The following MFGE8 variants were observed in gnomAD, a reference collection of about 807,000 sequenced individuals.
MFGE8 encodes lactadherin.
Under a neutral mutation model 42.6 loss-of-function variants are expected in MFGE8, and 34 were observed. The observed-to-expected ratio is 0.80, with a 90% CI of 0.61 to 1.06. The LOEUF is 1.06. Among genes scored for constraint, MFGE8 ranks in the 50% least tolerant of loss-of-function variants. The pLI is 0.00. For missense variants in MFGE8, 510 were observed against 516.9 expected (o/e 0.99, Z 0.13); for synonymous variants, 230 against 214.8 (o/e 1.07, Z -0.62).
chr15:88,908,162 A>G (rs945936967), intron 2 of MFGE8, among the ~76,000 whole-genome samples: 4 of 152,212 alleles, frequency 2.6e-5, no homozygotes, highest in African/African-American at 4.8e-5. Context: ...AGGCCCACCT[A>G]CAGGCCAAGC....
In MFGE8 at chr15:88,909,781, C is replaced by T. The variant is rs752837584; in HGVS notation, c.205+11G>A. On this transcript the variant is annotated intron_variant, in intron 2 of 7. Coordinates refer to ENST00000268150, the MANE Select transcript of MFGE8 (RefSeq NM_005928.4). ...GCTAGAAACAGGCAACAAGCACCCC[C>T]ACATACTCACTCGTCTCACAGTGGT... The T allele has an allele frequency of 3.1e-6, 5 of 1,613,940 alleles. No individual in the cohort carries two copies. In the East Asian group the frequency reaches 8.9e-5, roughly 29 times the overall value.
chr15:88,899,206 G>A lies in MFGE8; in HGVS notation c.*189C>T, dbSNP rs1300282888. The A allele has an allele frequency of 1.5e-5, 11 of 743,554 alleles. No individual in the cohort carries two copies. The Admixed American group carries it at 2.3e-4, about 16-fold the overall frequency. The allele number at this position is 743,554 out of a possible 1,614,324, so 46.1% of individuals were successfully genotyped here. ...CTGGGGGTTAGGGGACGGGGCTTAGGGGCTGGGGCAGGGCCCGTGAGAGGT... is the reference window on the plus strand; with the variant it reads ...CTGGGGGTTAGGGGACGGGGCTTAGAGGCTGGGGCAGGGCCCGTGAGAGGT... On this transcript the variant is annotated 3_prime_UTR_variant, in exon 8 of 8. Transcript: ENST00000268150. This position sits in a 1 kb window ranked among gnomAD's most constrained non-coding sequence, Gnocchi z 6.8.
Position 88,899,909 on chromosome 15 carries a change from A to T in MFGE8, c.871-98T>A. The T allele has an allele frequency of 1.4e-6, 2 of 1,442,648 alleles. No individual in the cohort carries two copies. Among genetic ancestry groups the T allele is most frequent in the Non-Finnish European group, 1.9e-6 (2 of 1,039,792 alleles). The allele number at this position is 1,442,648 out of a possible 1,614,324, so 89.4% of individuals were successfully genotyped here. On this transcript the variant is annotated intron_variant, in intron 6 of 7. Coordinates refer to ENST00000268150, the MANE Select transcript of MFGE8 (RefSeq NM_005928.4). The surrounding 1 kb of genome is among the most constrained non-coding windows in gnomAD (Gnocchi z 6.8). ...AGGCATGAATTCTAGTTTTGAAAAAAACTACTTGGGTGAGCCTCAGTTTCT... is the reference window on the plus strand; with the variant it reads ...AGGCATGAATTCTAGTTTTGAAAAATACTACTTGGGTGAGCCTCAGTTTCT...
rs1436248058 is a variant in MFGE8, at chr15:88,903,308, C to T, written c.686-1573G>A. 6.6e-6 allele frequency: 1 copy of T among 152,082 alleles called. No individual in the cohort carries two copies. Among genetic ancestry groups the T allele is most frequent in the African/African-American group, 2.4e-5 (1 of 41,414 alleles). The allele number at this position is 152,082 out of a possible 1,614,324, so 9.4% of individuals were successfully genotyped here. A position where few individuals can be genotyped will look rare whatever the true frequency, so the allele number is the denominator to read the frequency against. On this transcript the variant is annotated intron_variant, in intron 5 of 7. Coordinates refer to ENST00000268150, the MANE Select transcript of MFGE8 (RefSeq NM_005928.4). This position sits in a 1 kb window ranked among gnomAD's most constrained non-coding sequence, Gnocchi z 4.9. ...ACCAGGGCAGGGACAGGACTGTCAG[C>T]TCCAGCACTCTAGGAAGTCCCTTCC...
chr15:88,907,487 G>A, intron 2 of MFGE8, 111 bp from the exon 3 acceptor site: 1 of 972,654 alleles, frequency 1.0e-6, no homozygotes, highest in Non-Finnish European at 1.6e-6. Context: ...AAGCCCCAGG[G>A]CCAGGGAGAA....
chr15:88,901,916 C>T, intron 5 of MFGE8, 181 bp from the exon 6 acceptor site: 1 of 644,280 alleles, frequency 1.6e-6, no homozygotes, highest in Non-Finnish European at 2.8e-6. Context: ...CACTGCCGAC[C>T]CCACCACCTC....
chr15:88,905,679 T>C lies in MFGE8; in HGVS notation c.685+78A>G. 6.3e-7 allele frequency: 1 copy of C among 1,598,476 alleles called. No homozygotes were observed. Among genetic ancestry groups the C allele is most frequent in the Non-Finnish European group, 8.6e-7 (1 of 1,169,176 alleles). On this transcript the variant is annotated intron_variant, in intron 5 of 7. Coordinates refer to ENST00000268150, the MANE Select transcript of MFGE8 (RefSeq NM_005928.4). The surrounding 1 kb of genome is among the most constrained non-coding windows in gnomAD (Gnocchi z 6.6). The stretch of plus-strand genomic sequence containing the variant: ...GCTGCCCTACCTAGCTCAGTTTGGC[T>C]GAGAAAAGAGGCAGCAGGGAGGGCC...
In MFGE8 at chr15:88,905,999, G is replaced by A; in HGVS notation, c.541-98C>T. 2 of 1,468,424 alleles carry A rather than the reference G, an allele frequency of 1.4e-6. No homozygotes were observed. Among genetic ancestry groups the A allele is most frequent in the Non-Finnish European group, 9.5e-7 (1 of 1,052,380 alleles). 91.0% of individuals were successfully genotyped at this position (1,468,424 alleles called of 1,614,324 possible). On this transcript the variant is annotated intron_variant, in intron 4 of 7. Coordinates refer to ENST00000268150, the MANE Select transcript of MFGE8 (RefSeq NM_005928.4). The surrounding 1 kb of genome is among the most constrained non-coding windows in gnomAD (Gnocchi z 6.6). Reference sequence around the variant, plus strand: ...TCCTCTTCAGACCTGGGAGGCAGAGGTGGGGCTGGGAGGGTGAAGAGGACT... The same window carrying A: ...TCCTCTTCAGACCTGGGAGGCAGAGATGGGGCTGGGAGGGTGAAGAGGACT...
chr15:88,913,331 G>T lies in MFGE8; in HGVS notation c.-12C>A. The T allele has an allele frequency of 4.2e-6, 6 of 1,431,036 alleles. No homozygotes were observed. The highest frequency in any genetic ancestry group is 5.4e-6 in the Non-Finnish European group (6 of 1,103,712). 88.6% of individuals were successfully genotyped at this position (1,431,036 alleles called of 1,614,324 possible). ...CGGGGGCGCGGCATGCTGCGGGGAC[G>T]CGGGCGCTGGAATGGGCACGCTGGG... On this transcript the variant is annotated 5_prime_UTR_variant, in exon 1 of 8. Transcript: ENST00000268150.
rs1305724071 is a variant in MFGE8, at chr15:88,901,836, G to A, written c.686-101C>T. 8.6e-6 allele frequency: 10 copies of A among 1,165,752 alleles called. No individual in the cohort carries two copies. In the East Asian group the frequency reaches 1.7e-4, roughly 20 times the overall value. The allele number at this position is 1,165,752 out of a possible 1,614,324, so 72.2% of individuals were successfully genotyped here. Reference sequence around the variant, plus strand: ...GAAAGAACTCTGTGGATCCTGACCAGCCCCTGTCATGCTCTTGGGCAACAG... The same window carrying A: ...GAAAGAACTCTGTGGATCCTGACCAACCCCTGTCATGCTCTTGGGCAACAG... On this transcript the variant is annotated intron_variant, in intron 5 of 7. Coordinates refer to ENST00000268150, the MANE Select transcript of MFGE8 (RefSeq NM_005928.4).
chr15:88,901,129 AC>A (rs1567214416), intron 6 of MFGE8, among the ~76,000 whole-genome samples: 1 of 115,028 alleles, frequency 8.7e-6, no homozygotes, highest in Non-Finnish European at 1.9e-5. Flanking sequence ...ACATTCACAC[AC>A]ACACATTCAC....
Position 88,899,569 on chromosome 15 carries a change from AG to A in MFGE8, c.1027-38del, listed in dbSNP as rs939598137. On this transcript the variant is annotated intron_variant, in intron 7 of 7. Transcript: ENST00000268150. This position sits in a 1 kb window ranked among gnomAD's most constrained non-coding sequence, Gnocchi z 6.8. ...GCGGGTGTCAGGAGGACCCCGAGCC[AG>A]CCCCCCTCCCCTCAGAGCCCCAGGC... 15 of 1,614,060 alleles carry A rather than the reference AG, an allele frequency of 9.3e-6. No homozygotes were observed. In the African/African-American group the frequency reaches 1.6e-4, roughly 17 times the overall value.
chr15:88,900,640 G>A, intron 6 of MFGE8: 5 of 882,156 alleles, frequency 5.7e-6, no homozygotes, highest in Non-Finnish European at 6.8e-6. Context: ...CAACATCCAG[G>A]TGTAAACCCA....
chr15:88,899,506 G>A lies in MFGE8; in HGVS notation c.1053C>T (p.His351=). 6.2e-7 allele frequency: 1 copy of A among 1,614,216 alleles called. No individual in the cohort carries two copies. Among genetic ancestry groups the A allele is most frequent in the Non-Finnish European group, 8.5e-7 (1 of 1,180,026 alleles). Residue 351 remains histidine (H), a synonymous_variant, in exon 8 of 8, where the codon CAC becomes CAT. Coordinates refer to ENST00000268150, the MANE Select transcript of MFGE8 (RefSeq NM_005928.4). The surrounding 1 kb of genome is among the most constrained non-coding windows in gnomAD (Gnocchi z 6.8). ...TCTCAAACAAGTTCTTCTTGTGGGA[G>A]TGGTTGTCCCAGTTGCCAGGGAAGA... ...SKIFPGNWDN[H]SHKKNLFETP... is the part of the protein sequence containing the mutation.
At chr15:88,901,078 T>TTC (rs748169390) in intron 6 of MFGE8, among the ~76,000 whole-genome samples, 11 of 60,670 alleles carry the variant, frequency 1.8e-4, no homozygotes, top group South Asian at 1.1e-3. Context: ...CACATTCACA[T>TTC]ACACATTCAC....
In MFGE8 at chr15:88,902,301, G is replaced by A. The variant is rs1053084508; in HGVS notation, c.686-566C>T. ...AAATTAGTAAGCCCATTCTATAGATGAGAAAACTGAAAGACATTAAGCATC... is the reference window on the plus strand; with the variant it reads ...AAATTAGTAAGCCCATTCTATAGATAAGAAAACTGAAAGACATTAAGCATC... On this transcript the variant is annotated intron_variant, in intron 5 of 7. Transcript: ENST00000268150. This position sits in a 1 kb window ranked among gnomAD's most constrained non-coding sequence, Gnocchi z 4.3. The A allele has an allele frequency of 6.3e-6, 1 of 159,384 alleles. No homozygotes were observed. The highest frequency in any genetic ancestry group is 1.4e-5 in the Non-Finnish European group (1 of 72,064). 9.9% of individuals were successfully genotyped at this position (159,384 alleles called of 1,614,324 possible). A position where few individuals can be genotyped will look rare whatever the true frequency, so the allele number is the denominator to read the frequency against.
intron 5 of MFGE8, chr15:88,904,168 A>G (rs990008195): frequency 1.3e-5 from 2 of 152,188 alleles, no homozygotes; most frequent in African/African-American, 4.8e-5. Flanking sequence ...CCTTGCTACA[A>G]TGCAAATTAC....
In MFGE8 at chr15:88,902,981, T is replaced by C. The variant is rs1158915536; in HGVS notation, c.686-1246A>G. On this transcript the variant is annotated intron_variant, in intron 5 of 7. Coordinates refer to ENST00000268150, the MANE Select transcript of MFGE8 (RefSeq NM_005928.4). The surrounding 1 kb of genome is among the most constrained non-coding windows in gnomAD (Gnocchi z 4.3). ...CCACTCAAGACATTTGCCTCCAGGG[T>C]GTGTTGACAATGCCTGCTGATGGTA... 1 of 152,140 alleles carries C rather than the reference T, an allele frequency of 6.6e-6. No homozygotes were observed. Among genetic ancestry groups the C allele is most frequent in the African/African-American group, 2.4e-5 (1 of 41,392 alleles). 9.4% of individuals were successfully genotyped at this position (152,140 alleles called of 1,614,324 possible). A position where few individuals can be genotyped will look rare whatever the true frequency, so the allele number is the denominator to read the frequency against.
intron 2 of MFGE8, among the ~76,000 whole-genome samples, chr15:88,908,708 C>T (rs902903664): frequency 2.0e-5 from 3 of 152,304 alleles, no homozygotes; most frequent in Admixed American, 2.0e-4. Context: ...CTACCCAGGG[C>T]TCTGATTGCC....
Sources: allele counts gnomAD v4.1 joint callset (sites outside exome capture counted in the v4.1 genomes callset), GRCh38; gene constraint gnomAD v4.1.1; non-coding constraint Gnocchi (gnomAD v3.1); transcripts MANE v1.5; gene names NCBI Gene and HGNC (gene_info 2026-07-23, HGNC 2026-07-21).